Variants in STK24 observed in about 807,000 individuals in gnomAD.
STK24 encodes serine/threonine kinase 24.
A neutral mutation model predicts 55.6 loss-of-function variants in STK24; 21 were observed. The ratio of observed to expected loss-of-function variants is 0.38; its 90% CI spans 0.27 to 0.54. STK24 has a LOEUF of 0.54. Ranked by LOEUF, STK24 falls within the 20% of genes least tolerant of loss-of-function variation. STK24 has a pLI of 0.79. For missense variants in STK24, 383 were observed against 538.4 expected (o/e 0.71, Z 2.86); for synonymous variants, 200 against 215.2 (o/e 0.93, Z 0.62).
rs141009908 is a variant in STK24, at chr13:98,562,809, G to A, written c.42+13936C>T. ...CGGGCGCCTGCAGTCCCAGCTACTC[G>A]GGAGGCTGAGGCAGGAGAACCACAT... On this transcript the variant is annotated intron_variant, in intron 1 of 10. Transcript: ENST00000539966. 3.0e-3 allele frequency among the ~76,000 whole-genome samples: 458 copies of A among 151,508 alleles called. 2 individuals carry two copies. The highest frequency in any genetic ancestry group is 0.01 in the African/African-American group (422 of 41,234).
At chr13:98,482,358 A>T in intron 2 of STK24, 37 bp from the exon 3 acceptor site, 4 of 1,349,556 alleles carry the variant, frequency 3.0e-6, no homozygotes, top group Non-Finnish European at 4.1e-6. Flanking sequence ...CATTTTCAAA[A>T]TGAATCCAGG....
At chr13:98,454,704 G>A (rs1460170117) in intron 10 of STK24, 1 of 152,194 alleles carries the variant, frequency 6.6e-6, no homozygotes, top group Non-Finnish European at 1.5e-5. Flanking sequence ...GAGCAAAACT[G>A]GCAGGAAGTC....
intron 1 of STK24, among the ~76,000 whole-genome samples, chr13:98,531,782 C>T (rs2139403325): frequency 6.6e-6 from 1 of 152,274 alleles, no homozygotes; most frequent in Non-Finnish European, 1.5e-5. Context: ...CTAGACATCA[C>T]TAACTACCCA....
chr13:98,463,442 C>T (rs993910897), intron 7 of STK24, among the ~76,000 whole-genome samples: 8 of 152,120 alleles, frequency 5.3e-5, no homozygotes, highest in African/African-American at 1.9e-4. Flanking sequence ...CAGAATGAAA[C>T]AGCCAGGTCC....
At chr13:98,473,741 C>T (rs1327683463) in intron 5 of STK24, among the ~76,000 whole-genome samples, 1 of 152,242 alleles carries the variant, frequency 6.6e-6, no homozygotes, top group East Asian at 1.9e-4. Flanking sequence ...ACAGCCACCG[C>T]TACCACTCAA....
intron 2 of STK24, among the ~76,000 whole-genome samples, chr13:98,500,936 A>T (rs964928772): frequency 1.3e-5 from 2 of 152,144 alleles, no homozygotes; most frequent in African/African-American, 4.8e-5. Flanking sequence ...AAGTAGCCAC[A>T]TCTTTTCTTA....
intron 2 of STK24, among the ~76,000 whole-genome samples, chr13:98,484,578 C>T (rs1894733318): frequency 6.6e-6 from 1 of 152,218 alleles, no homozygotes; most frequent in Admixed American, 6.5e-5. Context: ...TGACCACCCC[C>T]TCGTCCTTCT....
At chr13:98,471,257 G>A (rs1409890359) in intron 5 of STK24, among the ~76,000 whole-genome samples, 2 of 152,182 alleles carry the variant, frequency 1.3e-5, no homozygotes, top group South Asian at 2.1e-4. Context: ...ATCCCACCAC[G>A]CTTTCACTCA....
In STK24 at chr13:98,448,428, G is replaced by T. The variant is rs1892998802; in HGVS notation, c.*4745C>A. 1 of 896,288 alleles carries T rather than the reference G, an allele frequency of 1.1e-6. No homozygotes were observed. The highest frequency in any genetic ancestry group is 1.8e-6 in the Non-Finnish European group (1 of 548,804). 55.5% of individuals were successfully genotyped at this position (896,288 alleles called of 1,614,324 possible). On this transcript the variant is annotated 3_prime_UTR_variant, in exon 11 of 11. Coordinates refer to ENST00000539966, the MANE Select transcript of STK24 (RefSeq NM_001032296.4). ...CACCTGTCTGAAAATCAAAAACATG[G>T]CTTCCCAGCAGCTCTCCTGTCTCCA...
chr13:98,489,878 A>G (rs1894953747), intron 2 of STK24, among the ~76,000 whole-genome samples: 1 of 152,240 alleles, frequency 6.6e-6, no homozygotes, highest in South Asian at 2.1e-4. Context: ...GCCACTGCCT[A>G]CAACAACAAA....
Position 98,570,042 on chromosome 13 carries a change from G to GT in STK24, c.42+6702dup, listed in dbSNP as rs1430853321. On this transcript the variant is annotated intron_variant, in intron 1 of 10. Transcript: ENST00000539966. ...CATGCGCCCACCACCACGCCCAGCTGTTTTTTTTGTATTTTTAGTAGAGAC... is the reference window on the plus strand; with the variant it reads ...CATGCGCCCACCACCACGCCCAGCTGTTTTTTTTTGTATTTTTAGTAGAGAC... Among the ~76,000 whole-genome samples, 343 of 151,310 alleles carry GT rather than the reference G, an allele frequency of 2.3e-3. 7 individuals are homozygous for GT. Among genetic ancestry groups the GT allele is most frequent in the East Asian group, 0.016 (81 of 5,150 alleles).
At chr13:98,537,136 C>T (rs1896758771) in intron 1 of STK24, among the ~76,000 whole-genome samples, 1 of 152,264 alleles carries the variant, frequency 6.6e-6, no homozygotes, top group African/African-American at 2.4e-5. Flanking sequence ...CTTCAGCCTA[C>T]ACTGTGACCC....
chr13:98,518,477 C>G (rs1896147140), intron 2 of STK24, among the ~76,000 whole-genome samples: 1 of 152,076 alleles, frequency 6.6e-6, no homozygotes, highest in African/African-American at 2.4e-5. Flanking sequence ...TTTTTCCCCA[C>G]CAATTCTTAT....
At chr13:98,553,103 G>A (rs1053268553) in intron 1 of STK24, 1 of 152,132 alleles carries the variant, frequency 6.6e-6, no homozygotes, top group Admixed American at 6.6e-5. Flanking sequence ...ACTCAATTTT[G>A]TTGTGCTCCA....
At position 98,485,359 on chromosome 13, in the gene STK24, T is replaced by C. The variant is rs905122530; in HGVS notation, c.274-3038A>G. Among the ~76,000 whole-genome samples the C allele has an allele frequency of 2.0e-5, 3 of 152,312 alleles. No homozygotes were observed. In the South Asian group the frequency reaches 6.2e-4, roughly 32 times the overall value. On this transcript the variant is annotated intron_variant, in intron 2 of 10. Transcript: ENST00000539966. ...AGATGAAATCACGGGGAATCAAAGC[T>C]GTCTTCTTGTGCTCAGTCAGTTCCT... is the stretch of plus-strand genomic sequence containing the variant.
At position 98,482,273 on chromosome 13, in the gene STK24, G is replaced by A; in HGVS notation, c.322C>T (p.Leu108=). 6.4e-7 allele frequency: 1 copy of A among 1,569,132 alleles called. No individual in the cohort carries two copies. The highest frequency in any genetic ancestry group is 2.3e-5 in the East Asian group (1 of 44,154). Residue 108 remains leucine (L), a synonymous_variant, in exon 3 of 11, where the codon CTA becomes TTA. Transcript: ENST00000539966. ...TCCAACATAATACTTACTAGATCTA[G>A]TGCGGAGCCTCCACCAAGATATTCC... is the stretch of plus-strand genomic sequence containing the variant. ...IMEYLGGGSA[L]DLLEPGPLDE...
intron 2 of STK24, among the ~76,000 whole-genome samples, chr13:98,497,832 C>T (rs1895304054): frequency 6.6e-6 from 1 of 152,136 alleles, no homozygotes; most frequent in Non-Finnish European, 1.5e-5. Context: ...CAGGGTACAG[C>T]GTCCTGGGGA....
chr13:98,446,232 C>T lies in STK24; in HGVS notation c.*6941G>A. ...TAAGTGTCTCGCACAGGGCAGGTGG[C>T]CCTGGGACCTTGGGGGTGGCAGCAT... On this transcript the variant is annotated 3_prime_UTR_variant, in exon 11 of 11. Coordinates refer to ENST00000539966, the MANE Select transcript of STK24 (RefSeq NM_001032296.4). 1 of 1,508,348 alleles carries T rather than the reference C, an allele frequency of 6.6e-7. No homozygotes were observed. The highest frequency in any genetic ancestry group is 9.2e-7 in the Non-Finnish European group (1 of 1,086,506). The allele number at this position is 1,508,348 out of a possible 1,614,324, so 93.4% of individuals were successfully genotyped here.
intron 3 of STK24, among the ~76,000 whole-genome samples, chr13:98,481,693 C>T (rs1012048745): frequency 5.3e-5 from 8 of 152,148 alleles, no homozygotes; most frequent in Admixed American, 1.3e-4. Flanking sequence ...CATGATCCTT[C>T]CTTGCTTCCT....
Sources: allele counts gnomAD v4.1 joint callset (sites outside exome capture counted in the v4.1 genomes callset), GRCh38; gene constraint gnomAD v4.1.1; transcripts MANE v1.5; gene names NCBI Gene and HGNC (gene_info 2026-07-23, HGNC 2026-07-21).